RAB44: variants seen among roughly 807,000 people sequenced by gnomAD.
RAB44 encodes ras-related protein Rab-44.
A neutral mutation model predicts 93.3 loss-of-function variants in RAB44; 67 were observed. The ratio of observed to expected loss-of-function variants is 0.72; its 90% CI spans 0.59 to 0.88. The LOEUF (loss-of-function observed/expected upper bound fraction) is 0.88. Among genes scored for constraint, RAB44 ranks in the 40% least tolerant of loss-of-function variants. The probability of loss-of-function intolerance (pLI) is 0.00; values close to 1 mark genes in which losing one functional copy is unlikely to be tolerated. For missense variants in RAB44, 1,064 were observed against 1,261.7 expected (o/e 0.84, Z 2.37); for synonymous variants, 427 against 520.3 (o/e 0.82, Z 2.44).
intron 13 of RAB44, 77 bp downstream of exon 13, chr6:36,730,826 GACTCCC>G: frequency 1.5e-6 from 1 of 680,768 alleles, no homozygotes; most frequent in South Asian, 7.8e-5. Context: ...CCCCACTCTT[GACTCCC>G]AGGTGGGACA....
In RAB44 at chr6:36,733,160, T is replaced by C. The variant is rs61201423; in HGVS notation, c.*1067T>C. Reference sequence around the variant, plus strand: ...TGTCACATCTTACCATCATCACAAATTGAATATACAACATGTGCCAGGCAC... The same window carrying C: ...TGTCACATCTTACCATCATCACAAACTGAATATACAACATGTGCCAGGCAC... On this transcript the variant is annotated 3_prime_UTR_variant, in exon 14 of 14. Coordinates refer to ENST00000612677, the MANE Select transcript of RAB44 (RefSeq NM_001257357.2). 6,823 of 152,256 alleles carry C rather than the reference T, an allele frequency of 0.045. 180 individuals carry two copies. Among genetic ancestry groups the C allele is most frequent in the African/African-American group, 0.06 (2,472 of 41,522 alleles). 9.4% of individuals were successfully genotyped at this position (152,256 alleles called of 1,614,324 possible).
At position 36,715,477 on chromosome 6, in the gene RAB44, A is replaced by C; in HGVS notation, c.320-2A>C. ...TCCCCTCTGTCCACTTCTGTCCCACAGAAAACATCTTTGGCTCCAGCCAGA... is the reference window on the plus strand; with the variant it reads ...TCCCCTCTGTCCACTTCTGTCCCACCGAAAACATCTTTGGCTCCAGCCAGA... On this transcript the variant is annotated splice_acceptor_variant, in intron 3 of 13. Transcript: ENST00000612677. LOFTEE classifies it high-confidence loss of function. The C allele has an allele frequency of 6.5e-7, 1 of 1,536,106 alleles. No individual in the cohort carries two copies. The highest frequency in any genetic ancestry group is 1.2e-5 in the South Asian group (1 of 84,066).
At chr6:36,724,987 G>A (rs1418660793) in intron 9 of RAB44, among the ~76,000 whole-genome samples, 1 of 152,190 alleles carries the variant, frequency 6.6e-6, no homozygotes, top group Non-Finnish European at 1.5e-5. Flanking sequence ...ATATTTGAAT[G>A]TACATTTTCC....
chr6:36,724,043 A>AGTTAG (rs1336592173), intron 9 of RAB44, among the ~76,000 whole-genome samples: 5 of 152,150 alleles, frequency 3.3e-5, no homozygotes, highest in African/African-American at 1.2e-4. Context: ...CCTGGGAGCT[A>AGTTAG]GTTAGAAATG....
Position 36,718,122 on chromosome 6 carries a change from G to A in RAB44, c.732+4G>A. 3 of 1,231,908 alleles carry A rather than the reference G, an allele frequency of 2.4e-6. No homozygotes were observed. The highest frequency in any genetic ancestry group is 3.0e-6 in the Non-Finnish European group (3 of 987,828). The allele number at this position is 1,231,908 out of a possible 1,614,324, so 76.3% of individuals were successfully genotyped here. A position where few individuals can be genotyped will look rare whatever the true frequency, so the allele number is the denominator to read the frequency against. On this transcript the variant is annotated splice_donor_region_variant and intron_variant, in intron 6 of 13. Coordinates refer to ENST00000612677, the MANE Select transcript of RAB44 (RefSeq NM_001257357.2). ...GAAGCAGCAGCTGCAGGCTGAGGTG[G>A]GCTCCCGCCGGCAGCCTGCCTCCTT...
At chr6:36,706,494 G>A (rs550891827) in intron 2 of RAB44, among the ~76,000 whole-genome samples, 9 of 152,216 alleles carry the variant, frequency 5.9e-5, no homozygotes, top group South Asian at 4.1e-4. Context: ...AATCCCTGTC[G>A]TTCCAGGCCA....
chr6:36,720,643 A>T, intron 8 of RAB44, 93 bp downstream of exon 8: 1 of 942,934 alleles, frequency 1.1e-6, no homozygotes, highest in Non-Finnish European at 1.4e-6. Context: ...TAGCTAGCAC[A>T]CAGTGCACAC....
chr6:36,725,795 G>A (rs1416164295), intron 9 of RAB44, 67 bp from the exon 10 acceptor site: 3 of 1,083,612 alleles, frequency 2.8e-6, no homozygotes, highest in African/African-American at 1.6e-5. Context: ...GTGTATACTG[G>A]GGTAGGCCTT....
intron 2 of RAB44, among the ~76,000 whole-genome samples, chr6:36,709,151 A>G (rs1001885670): frequency 1.5e-4 from 23 of 151,784 alleles, no homozygotes; most frequent in Non-Finnish European, 2.6e-4. Context: ...GGGTTTCACT[A>G]TGTTGACCAG....
At position 36,717,450 on chromosome 6, in the gene RAB44, A is replaced by G; in HGVS notation, c.641+31A>G. ...TGGGGGGCCTGGCCGGGTGTCTGAT[A>G]CGAAGTAGGTGCTCTTCACATTCCA... On this transcript the variant is annotated intron_variant, in intron 5 of 13. Transcript: ENST00000612677. The surrounding 1 kb of genome is among the most constrained non-coding windows in gnomAD (Gnocchi z 4.1). 1 of 1,231,916 alleles carries G rather than the reference A, an allele frequency of 8.1e-7. No individual in the cohort carries two copies. The highest frequency in any genetic ancestry group is 1.0e-6 in the Non-Finnish European group (1 of 988,042). The allele number at this position is 1,231,916 out of a possible 1,614,324, so 76.3% of individuals were successfully genotyped here. A position where few individuals can be genotyped will look rare whatever the true frequency, so the allele number is the denominator to read the frequency against.
intron 2 of RAB44, among the ~76,000 whole-genome samples, chr6:36,705,914 T>C (rs1362736118): frequency 6.6e-6 from 1 of 151,820 alleles, no homozygotes; most frequent in Non-Finnish European, 1.5e-5. Context: ...TTTTTTTTTT[T>C]TAAGAGATAG....
chr6:36,722,550 A>C lies in RAB44; in HGVS notation c.2416A>C (p.Met806Leu). 6.5e-7 allele frequency: 1 copy of C among 1,546,150 alleles called. No homozygotes were observed. The highest frequency in any genetic ancestry group is 1.2e-5 in the South Asian group (1 of 83,682). The stretch of plus-strand genomic sequence containing the variant: ...AGAGAGCAGGCTTGAAGATCCAGGA[A>C]TGGACTCCAGGGAAGCTGGGCTGAC... ...RAESRLEDPG[M>L]DSREAGLTPS... Residue 806 changes from methionine (M) to leucine (L), a missense_variant, in exon 9 of 14, where the codon ATG becomes CTG. By Grantham distance (15) the Met-to-Leu change is conservative. Coordinates refer to ENST00000612677, the MANE Select transcript of RAB44 (RefSeq NM_001257357.2).
At chr6:36,719,047 G>A (rs1486457648) in intron 7 of RAB44, among the ~76,000 whole-genome samples, 1 of 152,138 alleles carries the variant, frequency 6.6e-6, no homozygotes, top group African/African-American at 2.4e-5. Flanking sequence ...AGCCTCCCGA[G>A]TAGCTGGGAC....
At chr6:36,704,499 C>T (rs895762932) in intron 2 of RAB44, 57 bp downstream of exon 2, 36 of 1,474,218 alleles carry the variant, frequency 2.4e-5, no homozygotes, top group Non-Finnish European at 3.2e-5. Flanking sequence ...TCCTGACACC[C>T]CCTCTCCCCC....
rs1488045669 is a variant in RAB44 at position 36,727,701 on chromosome 6, T to C, written c.2796+10T>C. The C allele has an allele frequency of 2.0e-6, 3 of 1,538,186 alleles. No individual in the cohort carries two copies. The highest frequency in any genetic ancestry group is 1.2e-5 in the South Asian group (1 of 83,812). On this transcript the variant is annotated intron_variant, in intron 11 of 13. Transcript: ENST00000612677. ...GCTAGACTGTCTCCAGGTGAGCAGA[T>C]GGCTGCTGGGGTTGGCCCCAGTCCC... is the stretch of plus-strand genomic sequence containing the variant.
chr6:36,708,891 A>C (rs1414201039), intron 2 of RAB44, among the ~76,000 whole-genome samples: 1 of 150,428 alleles, frequency 6.6e-6, no homozygotes, highest in African/African-American at 2.5e-5. Context: ...GTGGCCATAA[A>C]ATTTTCATGA....
chr6:36,721,095 G>C (rs1763063319), intron 8 of RAB44, 56 bp from the exon 9 acceptor site: 1 of 1,232,318 alleles, frequency 8.1e-7, no homozygotes, highest in Non-Finnish European at 1.0e-6. Flanking sequence ...GGTGGGATGG[G>C]TGTGACACCA....
In RAB44 at chr6:36,708,168, C is replaced by T. The variant is rs536788661; in HGVS notation, c.207+3726C>T. 2.4e-3 allele frequency among the ~76,000 whole-genome samples: 359 copies of T among 151,350 alleles called. 3 individuals are homozygous for T. Among genetic ancestry groups the T allele is most frequent in the African/African-American group, 3.8e-3 (155 of 41,142 alleles). The stretch of plus-strand genomic sequence containing the variant: ...TCAAGGCTGCAGTGAGCCATGATCA[C>T]GCCACTGCACACCAGCCTGGGAGGC... On this transcript the variant is annotated intron_variant, in intron 2 of 13. Transcript: ENST00000612677.
chr6:36,698,230 G>T (rs1171860785), intron 1 of RAB44, among the ~76,000 whole-genome samples: 1 of 152,130 alleles, frequency 6.6e-6, no homozygotes, highest in Non-Finnish European at 1.5e-5. Context: ...ACACTAGGTG[G>T]TCTCTCAGGC....
Sources: gnomAD v4.1 joint callset for allele counts (sites outside exome capture counted in the v4.1 genomes callset) on GRCh38, gnomAD v4.1.1 for gene constraint, Gnocchi (gnomAD v3.1) non-coding constraint, MANE v1.5 for transcripts, NCBI Gene and HGNC (gene_info 2026-07-23, HGNC 2026-07-21) for gene names.